CCL17: variants seen among roughly 807,000 people sequenced by gnomAD.
CCL17 encodes C-C motif chemokine ligand 17.
Under a neutral mutation model 7.4 loss-of-function variants are expected in CCL17, and 8 were observed. That is an observed-to-expected ratio of 1.09 (90% CI 0.64 to 1.96). The LOEUF is 1.96. CCL17 is among the 30% of genes most tolerant of loss of function. CCL17 has a pLI of 0.00. For synonymous variants in CCL17, 40 were observed against 46.1 expected (o/e 0.87, Z 0.54); for missense variants, 102 against 113.0 (o/e 0.90, Z 0.44).
At chr16:57,405,951 A>G (rs1472385364) in intron 1 of CCL17, among the ~76,000 whole-genome samples, 2 of 151,414 alleles carry the variant, frequency 1.3e-5, no homozygotes, top group Non-Finnish European at 2.9e-5. Flanking sequence ...CTGAGGCAGG[A>G]GAATGGCGTG....
Position 57,415,910 on chromosome 16 carries a change from C to T in CCL17, c.*49C>T. ...ACTGTCTCCCGGGACTACCTGGGACCTCCACCGTTGGTGTTCACCGCCCCC... is the reference window on the plus strand; with the variant it reads ...ACTGTCTCCCGGGACTACCTGGGACTTCCACCGTTGGTGTTCACCGCCCCC... On this transcript the variant is annotated 3_prime_UTR_variant, in exon 4 of 4. Transcript: ENST00000219244. This position sits in a 1 kb window ranked among gnomAD's most constrained non-coding sequence, Gnocchi z 4.5. The T allele has an allele frequency of 1.6e-6, 2 of 1,272,996 alleles. No homozygotes were observed. Among genetic ancestry groups the T allele is most frequent in the Middle Eastern group, 1.9e-4 (1 of 5,354 alleles). 78.9% of individuals were successfully genotyped at this position (1,272,996 alleles called of 1,614,324 possible).
chr16:57,406,919 G>C (rs1260944603), intron 1 of CCL17, among the ~76,000 whole-genome samples: 1 of 152,216 alleles, frequency 6.6e-6, no homozygotes. Flanking sequence ...ATGTAAGGCA[G>C]TGGGAGGTTC....
intron 1 of CCL17, among the ~76,000 whole-genome samples, chr16:57,408,386 C>T (rs2146536199): frequency 6.6e-6 from 1 of 152,120 alleles, no homozygotes; most frequent in South Asian, 2.1e-4. Flanking sequence ...ATCCATACAA[C>T]CACTCACCTA....
intron 1 of CCL17, 23 bp from the exon 2 acceptor site, chr16:57,413,851 C>T (rs1902823158): frequency 7.8e-7 from 1 of 1,280,806 alleles, no homozygotes; most frequent in South Asian, 1.4e-5. Context: ...AAATAGGTCA[C>T]TGCCACCCTC....
chr16:57,401,446 C>A (rs1302530561), upstream of CCL17, among the ~76,000 whole-genome samples: 2 of 151,624 alleles, frequency 1.3e-5, no homozygotes, highest in African/African-American at 4.9e-5. Flanking sequence ...GTCGCTTGAA[C>A]CCTGGAGGTA....
chr16:57,397,372 G>A, the CCL17 span, among the ~76,000 whole-genome samples: 5 of 152,182 alleles, frequency 3.3e-5, no homozygotes, highest in Non-Finnish European at 5.9e-5. Context: ...TAACCATCCC[G>A]AGGGGAGAAA....
chr16:57,415,661 C>A lies in CCL17; in HGVS notation c.189-104C>A. On this transcript the variant is annotated intron_variant, in intron 3 of 3. Coordinates refer to ENST00000219244, the MANE Select transcript of CCL17 (RefSeq NM_002987.3). This position sits in a 1 kb window ranked among gnomAD's most constrained non-coding sequence, Gnocchi z 4.5. ...GTGTGACAGCAGCAACTTCCTGCCCCTCTTGGAGCCTTGGAATCCTGGTCA... is the reference window on the plus strand; with the variant it reads ...GTGTGACAGCAGCAACTTCCTGCCCATCTTGGAGCCTTGGAATCCTGGTCA... 1 of 739,652 alleles carries A rather than the reference C, an allele frequency of 1.4e-6. No homozygotes were observed. The highest frequency in any genetic ancestry group is 2.4e-6 in the Non-Finnish European group (1 of 411,070). 45.8% of individuals were successfully genotyped at this position (739,652 alleles called of 1,614,324 possible).
At chr16:57,398,264 T>C in the CCL17 span, among the ~76,000 whole-genome samples, 1 of 152,190 alleles carries the variant, frequency 6.6e-6, no homozygotes, top group Non-Finnish European at 1.5e-5. Flanking sequence ...CCATAAACAG[T>C]GAGGCCAGCC....
upstream of CCL17, among the ~76,000 whole-genome samples, chr16:57,403,500 TAATATATATATTATA>T (rs1902638922): frequency 3.9e-5 from 1 of 25,466 alleles, no homozygotes; most frequent in African/African-American, 2.4e-4. Context: ...ATATATATTA[TAATATATATATTATA>T]TTATATATAT....
upstream of CCL17, among the ~76,000 whole-genome samples, chr16:57,402,735 G>A (rs1219413005): frequency 1.3e-5 from 2 of 152,126 alleles, no homozygotes; most frequent in African/African-American, 4.8e-5. Context: ...GAGACATTGA[G>A]ACAAGTCCAT....
Position 57,415,114 on chromosome 16 carries a change from T to A in CCL17, c.104T>A (p.Leu35Gln). Reference protein sequence around the residue: ...RGTNVGRECCLEYFKGAIPLR... With the variant: ...RGTNVGRECCQEYFKGAIPLR... ...ACCAATGTGGGCCGGGAGTGCTGCC[T>A]GGAGTACTTCAAGGGAGCCATTCCC... Residue 35 changes from leucine (L) to glutamine (Q), a missense_variant, in exon 3 of 4, where the codon CTG becomes CAG. Coordinates refer to ENST00000219244, the MANE Select transcript of CCL17 (RefSeq NM_002987.3). This position sits in a 1 kb window ranked among gnomAD's most constrained non-coding sequence, Gnocchi z 4.5. The A allele has an allele frequency of 6.2e-7, 1 of 1,613,942 alleles. No individual in the cohort carries two copies. The highest frequency in any genetic ancestry group is 8.5e-7 in the Non-Finnish European group (1 of 1,179,876).
upstream of CCL17, among the ~76,000 whole-genome samples, chr16:57,400,423 T>C (rs1444627197): frequency 1.3e-5 from 2 of 150,386 alleles, no homozygotes; most frequent in African/African-American, 2.4e-5. Flanking sequence ...GCAATCATGG[T>C]GAATGAGGGG....
At chr16:57,397,819 G>A in the CCL17 span, among the ~76,000 whole-genome samples, 1 of 152,196 alleles carries the variant, frequency 6.6e-6, no homozygotes, top group Non-Finnish European at 1.5e-5. Context: ...ACTGGGCGCT[G>A]GTCCCTAGGG....
In CCL17 at chr16:57,415,101, C is replaced by T. The variant is rs770945025; in HGVS notation, c.91C>T (p.Arg31Trp). The T allele has an allele frequency of 5.3e-5, 85 of 1,613,524 alleles. No individual in the cohort carries two copies. Among genetic ancestry groups the T allele is most frequent in the Middle Eastern group, 1.6e-4 (1 of 6,084 alleles). Residue 31 changes from arginine (R) to tryptophan (W), a missense_variant, in exon 3 of 4, where the codon CGG (arginine) becomes TGG (tryptophan). Arg to Trp is a moderately radical substitution (Grantham distance 101). Coordinates refer to ENST00000219244, the MANE Select transcript of CCL17 (RefSeq NM_002987.3). This position sits in a 1 kb window ranked among gnomAD's most constrained non-coding sequence, Gnocchi z 4.5. ...TGCAGCTCGAGGGACCAATGTGGGC[C>T]GGGAGTGCTGCCTGGAGTACTTCAA... ...IHAARGTNVGRECCLEYFKGA... is the reference protein window; with the variant it reads ...IHAARGTNVGWECCLEYFKGA...
chr16:57,405,067 T>G (rs1162237893), intron 1 of CCL17, among the ~76,000 whole-genome samples: 1 of 151,930 alleles, frequency 6.6e-6, no homozygotes, highest in Non-Finnish European at 1.5e-5. Flanking sequence ...TGAGACTGAA[T>G]AGGAAGGAGG....
intron 1 of CCL17, among the ~76,000 whole-genome samples, chr16:57,405,757 G>A (rs1431031634): frequency 6.6e-6 from 1 of 152,094 alleles, no homozygotes; most frequent in Admixed American, 6.5e-5. Context: ...TATCAGGCCA[G>A]GTGCGGTGGC....
chr16:57,404,613 G>C (rs896511898), upstream of CCL17, among the ~76,000 whole-genome samples: 1 of 152,126 alleles, frequency 6.6e-6, no homozygotes, highest in Non-Finnish European at 1.5e-5. Flanking sequence ...TGGAGTTTGC[G>C]AGAGAAACTT....
At chr16:57,403,807 C>A (rs1479733359), upstream of CCL17, among the ~76,000 whole-genome samples, 1 of 148,126 alleles carries the variant, frequency 6.8e-6, no homozygotes, top group African/African-American at 2.5e-5. Context: ...CAGGCACCTG[C>A]CACCACGCTC....
intron 1 of CCL17, 57 bp from the exon 2 acceptor site, chr16:57,413,817 C>A: frequency 2.7e-6 from 2 of 734,924 alleles, no homozygotes; most frequent in Non-Finnish European, 4.4e-6. Context: ...GACAGAGGGG[C>A]GGGGCAAGAC....
Sources: allele counts gnomAD v4.1 joint callset (sites outside exome capture counted in the v4.1 genomes callset), GRCh38; gene constraint gnomAD v4.1.1; non-coding constraint Gnocchi (gnomAD v3.1); transcripts MANE v1.5; gene names NCBI Gene and HGNC (gene_info 2026-07-23, HGNC 2026-07-21).